The following CLDN14 variants were observed in gnomAD, a reference collection of about 807,000 sequenced individuals.
CLDN14 encodes the protein claudin-14.
CLDN14 carries 2 observed loss-of-function variants against 2.1 expected under a neutral mutation model. The ratio of observed to expected loss-of-function variants is 0.96; its 90% CI spans 0.39 to 3.01. CLDN14 has a LOEUF of 3.01. Among genes scored for constraint, CLDN14 ranks in the 30% most tolerant of loss-of-function variants. The probability of loss-of-function intolerance (pLI) is 0.09; values close to 1 mark genes in which losing one functional copy is unlikely to be tolerated. For missense variants in CLDN14, 298 were observed against 328.0 expected (o/e 0.91, Z 0.71); for synonymous variants, 136 against 154.4 (o/e 0.88, Z 0.88).
chr21:36,476,286 T>G (rs1042046061), intron 1 of CLDN14, among the ~76,000 whole-genome samples: 2 of 152,124 alleles, frequency 1.3e-5, no homozygotes, highest in Non-Finnish European at 2.9e-5. Context: ...GGTTCTTTAT[T>G]TATCTTGCTG....
intron 1 of CLDN14, chr21:36,477,530 A>C (rs1374420820): frequency 6.6e-6 from 1 of 152,124 alleles, no homozygotes; most frequent in Non-Finnish European, 1.5e-5. Context: ...TCTTCTTCCA[A>C]GAAAGCTGTA....
chr21:36,546,552 C>A (rs1452004465), intron 1 of CLDN14, among the ~76,000 whole-genome samples: 1 of 152,186 alleles, frequency 6.6e-6, no homozygotes, highest in Non-Finnish European at 1.5e-5. Context: ...TTTCTAGCAA[C>A]TGCCTTTACC....
chr21:36,527,376 C>CT (rs2087341302), intron 1 of CLDN14, among the ~76,000 whole-genome samples: 1 of 152,172 alleles, frequency 6.6e-6, no homozygotes, highest in Non-Finnish European at 1.5e-5. Flanking sequence ...TTTTCATATG[C>CT]CTTGTGTAGC....
At chr21:36,557,729 C>T (rs919049804) in intron 1 of CLDN14, among the ~76,000 whole-genome samples, 3 of 152,188 alleles carry the variant, frequency 2.0e-5, no homozygotes, top group Admixed American at 2.0e-4. Flanking sequence ...CTCCCATTCT[C>T]TACGTTATCT....
intron 1 of CLDN14, among the ~76,000 whole-genome samples, chr21:36,466,777 C>A (rs1008824959): frequency 6.6e-6 from 1 of 152,188 alleles, no homozygotes; most frequent in Non-Finnish European, 1.5e-5. Context: ...AAGTCCAAGT[C>A]CAAAGTCTCG....
chr21:36,553,367 G>T (rs2087576194), intron 1 of CLDN14, among the ~76,000 whole-genome samples: 2 of 152,186 alleles, frequency 1.3e-5, no homozygotes, highest in Admixed American at 6.5e-5. Context: ...TGCTCAGCAA[G>T]GCAGTGATGC....
intron 1 of CLDN14, among the ~76,000 whole-genome samples, chr21:36,566,098 T>A (rs2087671149): frequency 6.6e-6 from 1 of 152,232 alleles, no homozygotes; most frequent in Admixed American, 6.5e-5. Flanking sequence ...AGGAAGTTAG[T>A]AAATCCCACT....
In CLDN14 at chr21:36,551,692, A is replaced by G. The variant is rs375572; in HGVS notation, c.-220+24719T>C. On this transcript the variant is annotated intron_variant, in intron 1 of 2. Transcript: ENST00000342108. The surrounding 1 kb of genome is among the most constrained non-coding windows in gnomAD (Gnocchi z 4.8). ...CCTCCTGAAGATCCCAGATGCTCCA[A>G]GTGCCATCTCTAGGTTAGCTGTGCT... Among the ~76,000 whole-genome samples, 112,356 of 152,100 alleles carry G rather than the reference A, an allele frequency of 0.74. 42,911 individuals are homozygous for G. Among genetic ancestry groups the G allele is most frequent in the Non-Finnish European group, 0.85 (57,992 of 68,014 alleles).
chr21:36,544,611 G>A lies in CLDN14; in HGVS notation c.-220+31800C>T, dbSNP rs1398993736. On this transcript the variant is annotated intron_variant, in intron 1 of 2. Transcript: ENST00000342108. This position sits in a 1 kb window ranked among gnomAD's most constrained non-coding sequence, Gnocchi z 4.1. ...GCACACTCACTCTCAGACGCCCAGG[G>A]AGCTAAGCAAAATTTCTCTGTATTT... 6.6e-6 allele frequency among the ~76,000 whole-genome samples: 1 copy of A among 152,160 alleles called. No individual in the cohort carries two copies. Among genetic ancestry groups the A allele is most frequent in the East Asian group, 1.9e-4 (1 of 5,194 alleles).
rs58458004 is a variant in CLDN14 at position 36,501,332 on chromosome 21, CTTTTTTTTTTTTTTTTTTTTTTT to C, written c.-82+9008_-82+9030del. 2.7e-4 allele frequency among the ~76,000 whole-genome samples: 13 copies of C among 48,446 alleles called. 1 individual carries two copies. In the Admixed American group the frequency reaches 2.8e-3, roughly 10 times the overall value. 31.8% of individuals were successfully genotyped at this position (48,446 alleles called of 152,430 possible). A position where few individuals can be genotyped will look rare whatever the true frequency, so the allele number is the denominator to read the frequency against. ...AATGGGAGTTTCAGTCAATATCTCACTTTTTTTTTTTTTTTTTTTTTTTTTTTTTTTTTTTTAGAAAAGTGAAA... is the reference window on the plus strand; with the variant it reads ...AATGGGAGTTTCAGTCAATATCTCACTTTTTTTTTTTTTAGAAAAGTGAAA... On this transcript the variant is annotated intron_variant, in intron 2 of 2. Transcript: ENST00000342108.
chr21:36,557,281 A>G (rs1268017528), intron 1 of CLDN14, among the ~76,000 whole-genome samples: 1 of 152,152 alleles, frequency 6.6e-6, no homozygotes, highest in African/African-American at 2.4e-5. Context: ...TAAGATCCTG[A>G]TTGCATTATT....
intron 1 of CLDN14, among the ~76,000 whole-genome samples, chr21:36,569,976 G>A (rs986091573): frequency 6.6e-6 from 1 of 152,206 alleles, no homozygotes; most frequent in East Asian, 1.9e-4. Context: ...AGCCTCAGGA[G>A]GTCCTGATGA....
In CLDN14 at chr21:36,475,748, T is replaced by G. The variant is rs1041449011; in HGVS notation, c.-82+3747A>C. 2.6e-5 allele frequency among the ~76,000 whole-genome samples: 4 copies of G among 152,146 alleles called. No individual in the cohort carries two copies. In the East Asian group the frequency reaches 7.7e-4, roughly 29 times the overall value. On this transcript the variant is annotated intron_variant, in intron 1 of 1. Coordinates refer to ENST00000399135, the MANE Select transcript of CLDN14 (RefSeq NM_001146079.2). ...CTTCATTGATTTAACTTTTTTTATT[T>G]TATTTTATTTTATTTTTTTGAGACA...
chr21:36,522,026 GT>G (rs1318701830), intron 1 of CLDN14, among the ~76,000 whole-genome samples: 2 of 152,124 alleles, frequency 1.3e-5, no homozygotes, highest in Admixed American at 6.5e-5. Flanking sequence ...ATTACCTGAA[GT>G]TTTTTATGCC....
intron 1 of CLDN14, chr21:36,477,265 T>G (rs1417438290): frequency 1.3e-5 from 2 of 152,296 alleles, no homozygotes; most frequent in African/African-American, 2.4e-5. Context: ...ACATTGGGAT[T>G]TTCCCCCCTT....
chr21:36,563,560 G>C (rs2087652418), intron 1 of CLDN14, among the ~76,000 whole-genome samples: 1 of 152,134 alleles, frequency 6.6e-6, no homozygotes, highest in Admixed American at 6.5e-5. Context: ...TGAGCCATAG[G>C]GCCGTCACTG....
At chr21:36,489,868 C>A (rs1044504836) in intron 2 of CLDN14, among the ~76,000 whole-genome samples, 2 of 152,204 alleles carry the variant, frequency 1.3e-5, no homozygotes, top group African/African-American at 4.8e-5. Context: ...TTTCCTCCCC[C>A]AGTAGCCAGC....
intron 1 of CLDN14, among the ~76,000 whole-genome samples, chr21:36,514,621 A>G (rs144295048): frequency 0.12 from 1,054 of 9,064 alleles, 15 homozygotes; most frequent in Middle Eastern, 0.38. Flanking sequence ...TCGTGAGAGA[A>G]AGTGTGTGTG....
At chr21:36,496,033 A>T (rs2087013910) in intron 2 of CLDN14, among the ~76,000 whole-genome samples, 1 of 152,178 alleles carries the variant, frequency 6.6e-6, no homozygotes, top group South Asian at 2.1e-4. Flanking sequence ...TGATTTCAGA[A>T]TTCTGGCTTC....
Sources: allele counts gnomAD v4.1 joint callset (sites outside exome capture counted in the v4.1 genomes callset), GRCh38; gene constraint gnomAD v4.1.1; non-coding constraint Gnocchi (gnomAD v3.1); transcripts MANE v1.5; gene names NCBI Gene and HGNC (gene_info 2026-07-23, HGNC 2026-07-21).